The following DYSF variants were observed in gnomAD, a reference collection of about 807,000 sequenced individuals.
DYSF encodes the protein dystrophy-associated fer-1-like 1.
Under a neutral mutation model 274.9 loss-of-function variants are expected in DYSF, and 212 were observed. The ratio of observed to expected loss-of-function variants is 0.77; its 90% CI spans 0.69 to 0.86. The LOEUF (loss-of-function observed/expected upper bound fraction) is 0.86, where lower values mean the gene tolerates loss of function less well. DYSF is among the 40% of genes least tolerant of loss of function. DYSF has a pLI of 0.00. For missense variants in DYSF, 2,666 were observed against 2,783.2 expected, an observed-to-expected ratio of 0.96 and a Z score of 0.95; for synonymous variants, 1,091 against 1,078.7, an observed-to-expected ratio of 1.01 and a Z score of -0.22.
chr2:71,555,439 G>T (rs1467438084), intron 21 of DYSF, among the ~76,000 whole-genome samples: 1 of 152,156 alleles, frequency 6.6e-6, no homozygotes, highest in Non-Finnish European at 1.5e-5. Context: ...CTCGGTAAGG[G>T]CCTGTTTCCC....
chr2:71,464,753 C>G (rs1456711293), upstream of DYSF, among the ~76,000 whole-genome samples: 1 of 152,270 alleles, frequency 6.6e-6, no homozygotes, highest in Admixed American at 6.5e-5. Context: ...TGAGTAGAAC[C>G]AGGTCATGAG....
At chr2:71,618,252 GCGTGTGTGGTAGA>G (rs2093965534) in intron 40 of DYSF, among the ~76,000 whole-genome samples, 4 of 44,244 alleles carry the variant, frequency 9.0e-5, no homozygotes, top group South Asian at 8.2e-4. Context: ...GGTAGAGGTG[GCGTGTGTGGTAGA>G]GGTGTGTGTG....
intron 34 of DYSF, 184 bp from the exon 35 acceptor site, chr2:71,601,315 C>T: frequency 1.3e-6 from 1 of 766,256 alleles, no homozygotes; most frequent in South Asian, 1.5e-5. Flanking sequence ...AGGAGTAGGG[C>T]TGCTCTGGGT....
chr2:71,488,529 TA>T (rs1368363763), intron 3 of DYSF, among the ~76,000 whole-genome samples: 3 of 152,096 alleles, frequency 2.0e-5, no homozygotes, highest in Non-Finnish European at 4.4e-5. Context: ...AACAACCTGT[TA>T]AATGAGGAGG....
chr2:71,554,078 C>T (rs2091165790), intron 21 of DYSF, 147 bp downstream of exon 21: 1 of 1,229,180 alleles, frequency 8.1e-7, no homozygotes, highest in Non-Finnish European at 1.2e-6. Flanking sequence ...TCCTCTGTGC[C>T]TTGGCAATAC....
At chr2:71,487,509 TTTG>T (rs1034933428) in intron 3 of DYSF, among the ~76,000 whole-genome samples, 3 of 152,038 alleles carry the variant, frequency 2.0e-5, no homozygotes, top group African/African-American at 4.8e-5. Flanking sequence ...ATGCTGGCAT[TTTG>T]TTGTTGTTGT....
intron 11 of DYSF, among the ~76,000 whole-genome samples, 160 bp from the exon 12 acceptor site, chr2:71,520,629 C>A (rs527310650): frequency 1.1e-4 from 17 of 152,222 alleles, no homozygotes; most frequent in Non-Finnish European, 2.2e-4. Context: ...ACCACATGAA[C>A]ACTCAAAGTA....
At chr2:71,579,051 A>G (rs1268900675) in intron 30 of DYSF, among the ~76,000 whole-genome samples, 1 of 152,112 alleles carries the variant, frequency 6.6e-6, no homozygotes, top group Non-Finnish European at 1.5e-5. Flanking sequence ...GCAGAGCACA[A>G]AGCCGCTATT....
intron 12 of DYSF, among the ~76,000 whole-genome samples, chr2:71,524,965 G>A (rs565520292): frequency 1.2e-4 from 18 of 152,182 alleles, no homozygotes; most frequent in Non-Finnish European, 1.8e-4. Context: ...GGCAAGCAGC[G>A]TGGGCATCAC....
chr2:71,598,054 C>A (rs1188020418), intron 32 of DYSF, among the ~76,000 whole-genome samples: 1 of 152,242 alleles, frequency 6.6e-6, no homozygotes, highest in Admixed American at 6.5e-5. Flanking sequence ...CCCTCCCTAA[C>A]ACATTTCACT....
At chr2:71,455,513 G>A (rs778315769) in intron 1 of DYSF, among the ~76,000 whole-genome samples, 1 of 152,214 alleles carries the variant, frequency 6.6e-6, no homozygotes, top group African/African-American at 2.4e-5. Context: ...CAGCAGGGAG[G>A]ACATGGGAGT....
Position 71,568,348 on chromosome 2 carries a change from G to T in DYSF, c.2864+10G>T. 1 of 1,613,586 alleles carries T rather than the reference G, an allele frequency of 6.2e-7. No individual in the cohort carries two copies. Among genetic ancestry groups the T allele is most frequent in the South Asian group, 1.1e-5 (1 of 91,048 alleles). ...TGTGTCCGGAGAAGACGTGAGTCGT[G>T]GGCAGGGAGGGCTGGGGAGAGCCAG... On this transcript the variant is annotated intron_variant, in intron 26 of 55. Coordinates refer to ENST00000410020, the MANE Select transcript of DYSF (RefSeq NM_001130987.2).
At chr2:71,474,403 AC>A (rs2082252535) in intron 1 of DYSF, among the ~76,000 whole-genome samples, 1 of 152,168 alleles carries the variant, frequency 6.6e-6, no homozygotes, top group South Asian at 2.1e-4. Context: ...CCCTTTCCTC[AC>A]CCAGCATAAG....
At chr2:71,600,664 A>G (rs954592758) in intron 33 of DYSF, 38 bp from the exon 34 acceptor site, 1 of 1,613,644 alleles carries the variant, frequency 6.2e-7, no homozygotes, top group African/African-American at 1.3e-5. Context: ...AGCCCTGGGT[A>G]AGGGATGCTG....
intron 45 of DYSF, among the ~76,000 whole-genome samples, chr2:71,662,549 GTA>G (rs1159766895): frequency 1.3e-5 from 2 of 151,750 alleles, no homozygotes; most frequent in East Asian, 1.9e-4. Flanking sequence ...TGTGGTGTGT[GTA>G]TATATGTGTG....
At position 71,613,407 on chromosome 2, in the gene DYSF, C is replaced by T. The variant is rs751456837; in HGVS notation, c.4461C>T (p.Ile1487=). The change falls in exon 40 of 56, where the codon ATC becomes ATT. Residue 1487 remains isoleucine, a synonymous_variant. Transcript: ENST00000410020. ...ATGACAAGGAGCCCCTCATCCCCAT[C>T]CAGGTAGGATGGGCATCCTCCAGGG... ...DIDDKEPLIP[I]QLADGLSSLA... is the part of the protein sequence containing the mutation. 41 of 1,612,268 alleles carry T rather than the reference C, an allele frequency of 2.5e-5. 1 individual carries two copies. In the East Asian group the frequency reaches 7.4e-4, roughly 29 times the overall value.
intron 13 of DYSF, 62 bp downstream of exon 13, chr2:71,526,408 G>A (rs2087918271): frequency 5.2e-6 from 8 of 1,530,230 alleles, no homozygotes; most frequent in Admixed American, 3.6e-5. Context: ...GGGCTGGTGG[G>A]GGTGGGCGAT....
At chr2:71,486,826 G>T (rs2083406267) in intron 3 of DYSF, among the ~76,000 whole-genome samples, 1 of 152,158 alleles carries the variant, frequency 6.6e-6, no homozygotes, top group Non-Finnish European at 1.5e-5. Flanking sequence ...GGTGGTCCTG[G>T]GATCCTGTTC....
intron 1 of DYSF, among the ~76,000 whole-genome samples, chr2:71,455,262 G>A (rs1374768518): frequency 8.5e-5 from 13 of 152,224 alleles, no homozygotes; most frequent in Admixed American, 8.5e-4. Flanking sequence ...AAGGGATCAT[G>A]TCATGAGTAC....
Sources: allele counts gnomAD v4.1 joint callset (sites outside exome capture counted in the v4.1 genomes callset), GRCh38; gene constraint gnomAD v4.1.1; transcripts MANE v1.5; gene names NCBI Gene and HGNC (gene_info 2026-07-23, HGNC 2026-07-21).